Variants in ADAMTS12 observed in about 807,000 individuals in gnomAD.
ADAMTS12 encodes the protein A disintegrin and metalloproteinase with thrombospondin motifs 12.
A neutral mutation model predicts 167.8 loss-of-function variants in ADAMTS12; 118 were observed. The observed-to-expected ratio is 0.70, with a 90% CI of 0.61 to 0.82. The LOEUF (loss-of-function observed/expected upper bound fraction) is 0.82. Ranked by LOEUF, ADAMTS12 falls within the 40% of genes least tolerant of loss-of-function variation. The probability of loss-of-function intolerance (pLI) is 0.00; values close to 1 mark genes in which losing one functional copy is unlikely to be tolerated. For missense variants in ADAMTS12, 1,916 were observed against 1,998.8 expected (o/e 0.96, Z 0.79); for synonymous variants, 704 against 716.9 (o/e 0.98, Z 0.29).
Position 33,526,337 on chromosome 5 carries a change from C to T in ADAMTS12, c.*851G>A, listed in dbSNP as rs1424600441. The T allele has an allele frequency of 6.6e-6, 1 of 152,100 alleles. No individual in the cohort carries two copies. The highest frequency in any genetic ancestry group is 1.5e-5 in the Non-Finnish European group (1 of 68,026). The allele number at this position is 152,100 out of a possible 1,614,324, so 9.4% of individuals were successfully genotyped here. ...TGGGAGGAAGTCAGCCAGGAAGACA[C>T]ATTTTCCCTTCTGCAAAGGAGTGTG... On this transcript the variant is annotated 3_prime_UTR_variant, in exon 24 of 24. Transcript: ENST00000504830.
chr5:33,815,288 G>A (rs1408835005), intron 2 of ADAMTS12, among the ~76,000 whole-genome samples: 5 of 152,190 alleles, frequency 3.3e-5, no homozygotes, highest in Non-Finnish European at 1.5e-5. Flanking sequence ...CAATCCCAGT[G>A]TGATGGTATG....
At chr5:33,696,089 T>C (rs1350729390) in intron 3 of ADAMTS12, among the ~76,000 whole-genome samples, 4 of 152,134 alleles carry the variant, frequency 2.6e-5, no homozygotes, top group African/African-American at 4.8e-5. Context: ...TACTTGTAAT[T>C]GGAGTTATTA....
In ADAMTS12 at chr5:33,721,678, C is replaced by T. The variant is rs181993286; in HGVS notation, c.634+29726G>A. 9.5e-4 allele frequency among the ~76,000 whole-genome samples: 144 copies of T among 152,326 alleles called. 1 individual carries two copies. Among genetic ancestry groups the T allele is most frequent in the African/African-American group, 3.4e-3 (143 of 41,568 alleles). The stretch of plus-strand genomic sequence containing the variant: ...TTGCCCCGAGCCTTTCCTGCCAATG[C>T]CAGAGTAAATATTTTAATCCTGCAT... On this transcript the variant is annotated intron_variant, in intron 3 of 23. Coordinates refer to ENST00000504830, the MANE Select transcript of ADAMTS12 (RefSeq NM_030955.4).
intron 21 of ADAMTS12, among the ~76,000 whole-genome samples, chr5:33,548,727 C>CAT (rs1045759849): frequency 2.3e-4 from 35 of 152,044 alleles, no homozygotes; most frequent in Admixed American, 2.2e-3. Context: ...CACACACACA[C>CAT]ACTCGTTATT....
intron 3 of ADAMTS12, among the ~76,000 whole-genome samples, chr5:33,718,427 G>A (rs1743688504): frequency 6.6e-6 from 1 of 152,160 alleles, no homozygotes; most frequent in Non-Finnish European, 1.5e-5. Flanking sequence ...CAGATCAGCA[G>A]CAGCATTAGA....
rs925690991 is a variant in ADAMTS12 at position 33,891,584 on chromosome 5, G to C, written c.127+146C>G. 5 of 1,210,234 alleles carry C rather than the reference G, an allele frequency of 4.1e-6. No homozygotes were observed. In the East Asian group the frequency reaches 1.2e-4, roughly 29 times the overall value. 75.0% of individuals were successfully genotyped at this position (1,210,234 alleles called of 1,614,324 possible). ...ATTCTGAGAAAGCCTAGGCTCCTGA[G>C]GTCCCAGCCCAGATTTCCTTACAAC... is the stretch of plus-strand genomic sequence containing the variant. On this transcript the variant is annotated intron_variant, in intron 1 of 23. Transcript: ENST00000504830.
At chr5:33,756,982 A>G (rs1264327800) in intron 2 of ADAMTS12, among the ~76,000 whole-genome samples, 5 of 152,176 alleles carry the variant, frequency 3.3e-5, no homozygotes, top group Non-Finnish European at 7.3e-5. Context: ...CTGAATTTTT[A>G]ATTTTATTTA....
chr5:33,823,103 A>G (rs1747921686), intron 2 of ADAMTS12, among the ~76,000 whole-genome samples: 1 of 151,700 alleles, frequency 6.6e-6, no homozygotes, highest in Non-Finnish European at 1.5e-5. Context: ...AAAAAAAAAA[A>G]AAAAGAAAGA....
chr5:33,712,120 G>A (rs1477239286), intron 3 of ADAMTS12, among the ~76,000 whole-genome samples: 1 of 152,122 alleles, frequency 6.6e-6, no homozygotes, highest in East Asian at 1.9e-4. Flanking sequence ...ACGAAATTCT[G>A]ATGAGGATTA....
intron 5 of ADAMTS12, among the ~76,000 whole-genome samples, chr5:33,671,751 C>A (rs770826897): frequency 6.6e-6 from 1 of 151,826 alleles, no homozygotes; most frequent in Non-Finnish European, 1.5e-5. Context: ...CACATACTCA[C>A]AAACACACAC....
chr5:33,881,564 CT>C (rs11442532), intron 1 of ADAMTS12, 84 bp from the exon 2 acceptor site: 175,509 of 1,091,940 alleles, frequency 0.16, 8 homozygotes, highest in Non-Finnish European at 0.18. Flanking sequence ...TGAATGCTAG[CT>C]TTTTTTTTTT....
chr5:33,849,103 AAT>A (rs550421610), intron 2 of ADAMTS12, among the ~76,000 whole-genome samples: 3 of 126,794 alleles, frequency 2.4e-5, no homozygotes, highest in Non-Finnish European at 4.8e-5. Context: ...ATTGCATAGC[AAT>A]ATATATATGT....
At chr5:33,574,049 A>G (rs1746534309) in intron 19 of ADAMTS12, among the ~76,000 whole-genome samples, 1 of 152,184 alleles carries the variant, frequency 6.6e-6, no homozygotes, top group African/African-American at 2.4e-5. Flanking sequence ...ACAATGAGAT[A>G]CCATCTCACA....
Position 33,835,094 on chromosome 5 carries a change from A to G in ADAMTS12, c.489+46025T>C, listed in dbSNP as rs184169506. Among the ~76,000 whole-genome samples the G allele has an allele frequency of 6.6e-5, 10 of 152,306 alleles. No homozygotes were observed. The East Asian group carries it at 1.7e-3, about 26-fold the overall frequency. On this transcript the variant is annotated intron_variant, in intron 2 of 23. Transcript: ENST00000504830. ...ATCTCTTTAAACTTCAGGACAACCC[A>G]TGAAATTGAATCTGTTTTTAGAAAT...
At chr5:33,684,168 C>A (rs777003456) in intron 3 of ADAMTS12, 113 bp from the exon 4 acceptor site, 1 of 835,422 alleles carries the variant, frequency 1.2e-6, no homozygotes, top group Admixed American at 4.3e-5. Context: ...ATAATATAAA[C>A]GCAATGTTTT....
At chr5:33,881,531 C>A in intron 1 of ADAMTS12, 51 bp from the exon 2 acceptor site, 1 of 1,553,276 alleles carries the variant, frequency 6.4e-7, no homozygotes, top group Non-Finnish European at 8.6e-7. Context: ...GGTAGTAAAG[C>A]AAAGCCACTT....
intron 3 of ADAMTS12, among the ~76,000 whole-genome samples, chr5:33,691,631 T>C (rs1212839500): frequency 6.6e-6 from 1 of 152,224 alleles, no homozygotes; most frequent in Non-Finnish European, 1.5e-5. Context: ...AGTTACCTTC[T>C]ATCTGTGGAA....
At chr5:33,705,005 G>A (rs977483118) in intron 3 of ADAMTS12, among the ~76,000 whole-genome samples, 6 of 151,180 alleles carry the variant, frequency 4.0e-5, no homozygotes, top group African/African-American at 1.5e-4. Flanking sequence ...GTGAGGTAAG[G>A]GTTCAATTTT....
At chr5:33,718,301 GCCCCAACCTCCAGGCCATGGA>G (rs1743683283) in intron 3 of ADAMTS12, among the ~76,000 whole-genome samples, 1 of 152,138 alleles carries the variant, frequency 6.6e-6, no homozygotes, top group Non-Finnish European at 1.5e-5. Flanking sequence ...TAAAGCAGGG[GCCCCAACCTCCAGGCCATGGA>G]CCAGAATGGT....
Sources: gnomAD v4.1 joint callset for allele counts (sites outside exome capture counted in the v4.1 genomes callset) on GRCh38, gnomAD v4.1.1 for gene constraint, MANE v1.5 for transcripts, NCBI Gene and HGNC (gene_info 2026-07-23, HGNC 2026-07-21) for gene names.